The following PLOD2 variants were observed in gnomAD, a reference collection of about 807,000 sequenced individuals.
PLOD2 encodes procollagen-lysine,2-oxoglutarate 5-dioxygenase 2, also known as lysine hydroxylase 2.
A neutral mutation model predicts 101.0 loss-of-function variants in PLOD2; 65 were observed. The observed-to-expected ratio is 0.64, with a 90% CI of 0.53 to 0.79. The LOEUF (loss-of-function observed/expected upper bound fraction) is 0.79. Among genes scored for constraint, PLOD2 ranks in the 30% least tolerant of loss-of-function variants. The probability of loss-of-function intolerance (pLI) is 0.00; values close to 1 mark genes in which losing one functional copy is unlikely to be tolerated. For missense variants in PLOD2, 909 were observed against 914.6 expected, an observed-to-expected ratio of 0.99 and a Z score of 0.08; for synonymous variants, 314 against 302.9, an observed-to-expected ratio of 1.04 and a Z score of -0.38.
At chr3:146,134,610 C>T (rs1281932168) in intron 1 of PLOD2, among the ~76,000 whole-genome samples, 2 of 152,144 alleles carry the variant, frequency 1.3e-5, no homozygotes, top group Admixed American at 1.3e-4. Context: ...TGCTGAAACA[C>T]ATATGATCTG....
chr3:146,147,800 G>T (rs1350150427), intron 1 of PLOD2, among the ~76,000 whole-genome samples: 1 of 152,110 alleles, frequency 6.6e-6, no homozygotes, highest in Admixed American at 6.6e-5. Context: ...ATACAGAGAG[G>T]GGGCTGCAAA....
chr3:146,103,099 T>A (rs1301017864), intron 6 of PLOD2, among the ~76,000 whole-genome samples: 1 of 152,184 alleles, frequency 6.6e-6, no homozygotes, highest in Non-Finnish European at 1.5e-5. Context: ...AGTAAAGTGA[T>A]TGAGGTGCTA....
At chr3:146,117,525 TG>T (rs573261148) in intron 3 of PLOD2, among the ~76,000 whole-genome samples, 2 of 152,242 alleles carry the variant, frequency 1.3e-5, no homozygotes, top group South Asian at 4.1e-4. Context: ...TGGCTTCAAT[TG>T]CTCATCCCTC....
intron 7 of PLOD2, among the ~76,000 whole-genome samples, chr3:146,096,760 G>T (rs1480461336): frequency 6.8e-6 from 1 of 148,072 alleles, no homozygotes; most frequent in Non-Finnish European, 1.5e-5. Context: ...GGTGGGGGGG[G>T]TCAGCCCCCC....
rs554029727 is a variant in PLOD2 at position 146,138,463 on chromosome 3, C to G, written c.110-14234G>C. Among the ~76,000 whole-genome samples, 4 of 152,186 alleles carry G rather than the reference C, an allele frequency of 2.6e-5. No homozygotes were observed. In the East Asian group the frequency reaches 7.7e-4, roughly 29 times the overall value. On this transcript the variant is annotated intron_variant, in intron 1 of 19. Transcript: ENST00000282903. ...TCTTGGATGACATAACCAAGTTTCA[C>G]TGAGAGGGTGACCTGAAGCAAAGGA...
intron 5 of PLOD2, 77 bp downstream of exon 5, chr3:146,106,455 G>T: frequency 1.3e-6 from 1 of 785,128 alleles, no homozygotes; most frequent in South Asian, 1.4e-5. Flanking sequence ...CTTTGTTTCT[G>T]ACCACTCCAC....
At position 146,158,645 on chromosome 3, in the gene PLOD2, C is replaced by T. The variant is rs1431889995; in HGVS notation, c.109+2236G>A. On this transcript the variant is annotated intron_variant, in intron 1 of 19. Transcript: ENST00000282903. ...GATTCTTAACCCTGGGCAATTTTGT[C>T]CCTCTGGGGACATTAGGCCTTTTTT... Among the ~76,000 whole-genome samples, 11 of 150,886 alleles carry T rather than the reference C, an allele frequency of 7.3e-5. No homozygotes were observed. In the East Asian group the frequency reaches 2.0e-3, roughly 27 times the overall value.
intron 8 of PLOD2, among the ~76,000 whole-genome samples, chr3:146,090,340 AG>A (rs1221615323): frequency 4.0e-5 from 6 of 151,596 alleles, no homozygotes; most frequent in African/African-American, 1.4e-4. Context: ...TGGAATGAAT[AG>A]TTTTCCTTTC....
chr3:146,080,224 C>T (rs1164980087), intron 12 of PLOD2, among the ~76,000 whole-genome samples: 4 of 143,576 alleles, frequency 2.8e-5, no homozygotes, highest in Non-Finnish European at 4.7e-5. Flanking sequence ...AAACGCTACA[C>T]ATACACTACG....
In PLOD2 at chr3:146,106,255, G is replaced by A. The variant is rs78696908; in HGVS notation, c.615+277C>T. ...AATACATATAGCACTGCATTATATA[G>A]TTCTTCTTTCCTTCTGCCTGATCCA... On this transcript the variant is annotated intron_variant, in intron 5 of 19. Coordinates refer to ENST00000282903, the MANE Select transcript of PLOD2 (RefSeq NM_182943.3). 0.023 allele frequency among the ~76,000 whole-genome samples: 3,558 copies of A among 152,232 alleles called. 131 individuals carry two copies. The highest frequency in any genetic ancestry group is 0.081 in the African/African-American group (3,356 of 41,524).
intron 11 of PLOD2, among the ~76,000 whole-genome samples, chr3:146,082,067 A>G (rs1023682995): frequency 9.9e-5 from 15 of 152,204 alleles, no homozygotes; most frequent in African/African-American, 3.6e-4. Context: ...ATTTTCAATC[A>G]TATTTCTTAA....
chr3:146,104,370 G>A, intron 5 of PLOD2, 28 bp from the exon 6 acceptor site: 1 of 1,153,852 alleles, frequency 8.7e-7, no homozygotes, highest in Non-Finnish European at 1.3e-6. Context: ...AAATGATATT[G>A]AAAATGACAA....
intron 7 of PLOD2, among the ~76,000 whole-genome samples, chr3:146,096,940 G>C (rs1373215131): frequency 7.4e-6 from 1 of 134,958 alleles, no homozygotes; most frequent in African/African-American, 2.9e-5. Flanking sequence ...CTGCCCGGCC[G>C]CCCCTACTGG....
At chr3:146,100,346 T>C (rs1385198205) in intron 7 of PLOD2, among the ~76,000 whole-genome samples, 1 of 152,120 alleles carries the variant, frequency 6.6e-6, no homozygotes, top group Non-Finnish European at 1.5e-5. Flanking sequence ...GAAACAAAAG[T>C]AAACAAGACA....
At chr3:146,087,860 C>T (rs1313466376) in intron 9 of PLOD2, among the ~76,000 whole-genome samples, 1 of 151,688 alleles carries the variant, frequency 6.6e-6, no homozygotes, top group Non-Finnish European at 1.5e-5. Context: ...AGCTAGTTTT[C>T]TGCAGTTAAA....
chr3:146,104,243 T>G (rs771093244), intron 6 of PLOD2, 36 bp downstream of exon 6: 2 of 1,249,390 alleles, frequency 1.6e-6, no homozygotes, highest in Admixed American at 3.4e-5. Context: ...GGTGTTTGTT[T>G]GTATACGTAA....
chr3:146,114,044 T>C (rs76252781), intron 3 of PLOD2, among the ~76,000 whole-genome samples: 1,567 of 152,270 alleles, frequency 0.01, 33 homozygotes, highest in African/African-American at 0.036. Context: ...CCCCAGTCTC[T>C]GGTAGCACTC....
At chr3:146,155,494 C>T (rs1439567419) in intron 1 of PLOD2, among the ~76,000 whole-genome samples, 1 of 151,422 alleles carries the variant, frequency 6.6e-6, no homozygotes, top group African/African-American at 2.4e-5. Context: ...GGTTGGATCA[C>T]GAGGTCAGGA....
intron 1 of PLOD2, among the ~76,000 whole-genome samples, chr3:146,125,225 C>T (rs6793224): frequency 0.012 from 1,820 of 152,040 alleles, 39 homozygotes; most frequent in African/African-American, 0.042. Flanking sequence ...TTTGAGTATC[C>T]CCTAAGCAAC....
Sources: allele counts gnomAD v4.1 joint callset (sites outside exome capture counted in the v4.1 genomes callset), GRCh38; gene constraint gnomAD v4.1.1; transcripts MANE v1.5; gene names NCBI Gene and HGNC (gene_info 2026-07-23, HGNC 2026-07-21).